The following RGS9 variants were observed in gnomAD, a reference collection of about 807,000 sequenced individuals.
RGS9 encodes the protein regulator of G protein signaling 9, also known as regulator of G-protein signalling 9.
In RGS9, 78 loss-of-function variants were observed where a neutral mutation model predicts 102.0. The ratio of observed to expected loss-of-function variants is 0.76; its 90% CI spans 0.64 to 0.92. The LOEUF (loss-of-function observed/expected upper bound fraction) is 0.92, where lower values mean the gene tolerates loss of function less well. RGS9 is among the 40% of genes least tolerant of loss of function. RGS9 has a pLI of 0.00. For missense variants in RGS9, 833 were observed against 866.1 expected (o/e 0.96, Z 0.48); for synonymous variants, 353 against 318.6 (o/e 1.11, Z -1.15).
intron 1 of RGS9, among the ~76,000 whole-genome samples, chr17:65,151,940 CA>C (rs1910595520): frequency 6.6e-6 from 1 of 152,164 alleles, no homozygotes. Flanking sequence ...TGACATCCAG[CA>C]GCAAACAACA....
intron 8 of RGS9, among the ~76,000 whole-genome samples, chr17:65,176,138 C>A (rs185444641): frequency 6.6e-6 from 1 of 152,266 alleles, no homozygotes; most frequent in African/African-American, 2.4e-5. Context: ...TGGCATCACA[C>A]CTGCATCAGG....
chr17:65,158,362 C>A lies in RGS9; in HGVS notation c.205+17C>A, dbSNP rs779531355. ...CCAGTCTGGGTGAGAGCTCATCTGGCACTCAGTTATCCGGGACAGCTTTGT... is the reference window on the plus strand; with the variant it reads ...CCAGTCTGGGTGAGAGCTCATCTGGAACTCAGTTATCCGGGACAGCTTTGT... On this transcript the variant is annotated intron_variant, in intron 3 of 18. Transcript: ENST00000262406. 1 of 1,612,128 alleles carries A rather than the reference C, an allele frequency of 6.2e-7. No individual in the cohort carries two copies. Among genetic ancestry groups the A allele is most frequent in the South Asian group, 1.1e-5 (1 of 91,034 alleles).
chr17:65,216,510 G>T (rs920040430), intron 17 of RGS9, among the ~76,000 whole-genome samples: 1 of 152,156 alleles, frequency 6.6e-6, no homozygotes, highest in Non-Finnish European at 1.5e-5. Flanking sequence ...GGTGGCAGGC[G>T]CCTGTAGTCC....
At chr17:65,138,075 T>A (rs886847197) in intron 1 of RGS9, among the ~76,000 whole-genome samples, 7 of 152,080 alleles carry the variant, frequency 4.6e-5, no homozygotes, top group Admixed American at 2.0e-4. Flanking sequence ...CTCATTTGAG[T>A]GTGTCTATCT....
intron 15 of RGS9, 46 bp from the exon 16 acceptor site, chr17:65,207,876 C>G: frequency 1.4e-6 from 2 of 1,411,248 alleles, no homozygotes; most frequent in Non-Finnish European, 2.0e-6. Flanking sequence ...TTTGATTTGA[C>G]TGCTTTTTTC....
At position 65,137,453 on chromosome 17, in the gene RGS9, G is replaced by A; in HGVS notation, c.-88G>A. Reference sequence around the variant, plus strand: ...GCCTCCCCGTCGACGCCCAGGGCTGGGGCGAGCCAGGCTGCCTTTCGAACT... The same window carrying A: ...GCCTCCCCGTCGACGCCCAGGGCTGAGGCGAGCCAGGCTGCCTTTCGAACT... On this transcript the variant is annotated 5_prime_UTR_variant, in exon 1 of 19. Coordinates refer to ENST00000262406, the MANE Select transcript of RGS9 (RefSeq NM_003835.4). 3 of 1,400,478 alleles carry A rather than the reference G, an allele frequency of 2.1e-6. No individual in the cohort carries two copies. Among genetic ancestry groups the A allele is most frequent in the Non-Finnish European group, 3.0e-6 (3 of 997,980 alleles). The allele number at this position is 1,400,478 out of a possible 1,614,324, so 86.8% of individuals were successfully genotyped here.
At chr17:65,185,985 G>T (rs951889042) in intron 9 of RGS9, among the ~76,000 whole-genome samples, 3 of 152,140 alleles carry the variant, frequency 2.0e-5, no homozygotes, top group Non-Finnish European at 4.4e-5. Flanking sequence ...CCGCAGAACA[G>T]TGGCCGACAG....
chr17:65,203,339 G>A (rs1912928510), intron 14 of RGS9, among the ~76,000 whole-genome samples: 1 of 152,112 alleles, frequency 6.6e-6, no homozygotes, highest in Non-Finnish European at 1.5e-5. Context: ...ATCCTTTGCA[G>A]TACAATGGGT....
At chr17:65,156,637 A>G (rs1910778821) in intron 2 of RGS9, among the ~76,000 whole-genome samples, 1 of 152,238 alleles carries the variant, frequency 6.6e-6, no homozygotes, top group Non-Finnish European at 1.5e-5. Flanking sequence ...CGCGTGGTAC[A>G]GATGCTGGTG....
At chr17:65,147,673 C>T (rs1314849875) in intron 1 of RGS9, among the ~76,000 whole-genome samples, 1 of 147,476 alleles carries the variant, frequency 6.8e-6, no homozygotes, top group Non-Finnish European at 1.5e-5. Flanking sequence ...TCACTGCAAC[C>T]TCCACCTCCT....
In RGS9 at chr17:65,225,352, G is replaced by A. The variant is rs1238327013; in HGVS notation, c.1758G>A (p.Leu586=). 1.2e-6 allele frequency: 2 copies of A among 1,611,702 alleles called. No homozygotes were observed. Among genetic ancestry groups the A allele is most frequent in the East Asian group, 2.2e-5 (1 of 44,874 alleles). Residue 586 remains leucine, a synonymous_variant, in exon 18 of 19, where the codon CTG becomes CTA. Transcript: ENST00000262406. ...TGGCTCTGTCCTTCAGCAGGTTTCT[G>A]AGACGAGGCTGTCTGGCCTCACCTG... is the stretch of plus-strand genomic sequence containing the variant. ...ARMALSFSRF[L]RRGCLASPVF...
chr17:65,224,944 C>T, intron 17 of RGS9, 58 bp from the exon 18 acceptor site: 1 of 1,606,936 alleles, frequency 6.2e-7, no homozygotes, highest in Non-Finnish European at 8.5e-7. Context: ...AGCCCAGGGG[C>T]CCTGCTGGCT....
chr17:65,210,799 G>A lies in RGS9; in HGVS notation c.1407+194G>A, dbSNP rs1913265296. On this transcript the variant is annotated intron_variant, in intron 17 of 18. Transcript: ENST00000262406. ...CCATACTCCTCTAACTTTCTTCATG[G>A]GGGACTTCCTAATACCACAGCAACC... The A allele has an allele frequency of 9.7e-6, 9 of 925,194 alleles. No individual in the cohort carries two copies. In the South Asian group the frequency reaches 1.4e-4, roughly 14 times the overall value. 57.3% of individuals were successfully genotyped at this position (925,194 alleles called of 1,614,324 possible).
rs548865128 is a variant in RGS9, at chr17:65,204,074, G to A, written c.1065-89G>A. 3.9e-5 allele frequency: 58 copies of A among 1,500,414 alleles called. No individual in the cohort carries two copies. The East Asian group carries it at 6.3e-4, about 16-fold the overall frequency. 92.9% of individuals were successfully genotyped at this position (1,500,414 alleles called of 1,614,324 possible). A position where few individuals can be genotyped will look rare whatever the true frequency, so the allele number is the denominator to read the frequency against. On this transcript the variant is annotated intron_variant, in intron 14 of 18. Transcript: ENST00000262406. The stretch of plus-strand genomic sequence containing the variant: ...CACCCTCACCCTCGGTAACCGATTC[G>A]TATCAGTCCTTCCCTCCCAAGCAGC...
intron 9 of RGS9, among the ~76,000 whole-genome samples, chr17:65,187,301 G>A (rs1307907686): frequency 6.6e-6 from 1 of 152,136 alleles, no homozygotes; most frequent in Non-Finnish European, 1.5e-5. Flanking sequence ...ATTAAACAAA[G>A]AGTCACACAA....
At chr17:65,190,032 C>A in intron 10 of RGS9, 143 bp from the exon 11 acceptor site, 1 of 766,940 alleles carries the variant, frequency 1.3e-6, no homozygotes, top group Non-Finnish European at 2.4e-6. Flanking sequence ...GTGGGCCTGA[C>A]CCACTGGTAC....
intron 13 of RGS9, among the ~76,000 whole-genome samples, chr17:65,199,584 C>T (rs1912740569): frequency 6.7e-6 from 1 of 149,782 alleles, no homozygotes; most frequent in African/African-American, 2.5e-5. Flanking sequence ...ACTTCTGCCT[C>T]CCGGGTTCAA....
chr17:65,153,369 A>G, intron 1 of RGS9, 53 bp from the exon 2 acceptor site: 2 of 1,499,810 alleles, frequency 1.3e-6, no homozygotes, highest in South Asian at 1.1e-5. Flanking sequence ...ATTGCCCTGC[A>G]CAACTTTCAA....
chr17:65,227,349 G>T lies in RGS9; in HGVS notation c.1967G>T (p.Gly656Val). Residue 656 changes from glycine to valine, a missense_variant, in exon 19 of 19, where the codon GGA becomes GTA. Physicochemically the swap from Gly to Val is moderately radical, Grantham distance 109. Around this residue, in one of 3 missense-constraint regions of RGS9, gnomAD observed 320 missense variants for 276.8 expected, o/e 1.16. Coordinates refer to ENST00000262406, the MANE Select transcript of RGS9 (RefSeq NM_003835.4). ...ATGGACTCGGAGGATGCTGGAACAG[G>T]AGAGTCGGGTGACCGGGCCACAGAA... ...CLMDSEDAGT[G>V]ESGDRATEKE... 1 of 1,614,264 alleles carries T rather than the reference G, an allele frequency of 6.2e-7. No individual in the cohort carries two copies.
Sources: gnomAD v4.1 joint callset for allele counts (sites outside exome capture counted in the v4.1 genomes callset) on GRCh38, gnomAD v4.1.1 for gene constraint, gnomAD v4.1.1 regional missense constraint, MANE v1.5 for transcripts, NCBI Gene and HGNC (gene_info 2026-07-23, HGNC 2026-07-21) for gene names.